SFTPC: variants seen among roughly 807,000 people sequenced by gnomAD.
SFTPC encodes BRICHOS domain containing 6.
Under a neutral mutation model 19.9 loss-of-function variants are expected in SFTPC, and 12 were observed. The ratio of observed to expected loss-of-function variants is 0.60; its 90% CI spans 0.39 to 0.98. The LOEUF (loss-of-function observed/expected upper bound fraction) is 0.98, where lower values mean the gene tolerates loss of function less well. Among genes scored for constraint, SFTPC ranks in the 50% least tolerant of loss-of-function variants. The probability of loss-of-function intolerance (pLI) is 0.00; values close to 1 mark genes in which losing one functional copy is unlikely to be tolerated. For synonymous variants in SFTPC, 123 were observed against 103.3 expected (o/e 1.19, Z -1.16); for missense variants, 219 against 252.2 (o/e 0.87, Z 0.89).
upstream of SFTPC, chr8:22,159,969 G>C (rs1586415154): frequency 5.0e-6 from 3 of 600,806 alleles, no homozygotes; most frequent in East Asian, 2.0e-4. Context: ...TCTGGCACCT[G>C]CACACAGCTG....
upstream of SFTPC, chr8:22,159,717 C>A: frequency 8.3e-7 from 1 of 1,206,526 alleles, no homozygotes; most frequent in Non-Finnish European, 1.1e-6. Flanking sequence ...GGCGGCAAAC[C>A]CCACCCACAG....
upstream of SFTPC, chr8:22,159,707 G>A (rs1207080363): frequency 9.0e-7 from 1 of 1,111,596 alleles, no homozygotes; most frequent in East Asian, 5.8e-5. Flanking sequence ...ACCCAGCGAT[G>A]GCGGCAAACC....
upstream of SFTPC, among the ~76,000 whole-genome samples, chr8:22,159,291 T>G (rs1193378061): frequency 2.0e-5 from 3 of 152,058 alleles, no homozygotes; most frequent in Non-Finnish European, 2.9e-5. Context: ...TGTCTCTAAA[T>G]AATTAAATAA....
At position 22,164,280 on chromosome 8, in the gene SFTPC, C is replaced by A. The variant is rs958813169; in HGVS notation, c.*33C>A. The A allele has an allele frequency of 1.9e-5, 29 of 1,536,054 alleles. No individual in the cohort carries two copies. Among genetic ancestry groups the A allele is most frequent in the Non-Finnish European group, 2.4e-5 (28 of 1,146,916 alleles). Reference sequence around the variant, plus strand: ...TTGCTTCACAGGGTCAGTGGAAGCCCCAACGGGAAAGGAAACGCCCCGGGC... The same window carrying A: ...TTGCTTCACAGGGTCAGTGGAAGCCACAACGGGAAAGGAAACGCCCCGGGC... On this transcript the variant is annotated 3_prime_UTR_variant, in exon 6 of 6. Transcript: ENST00000679463.
rs1124 is a variant in SFTPC, at chr8:22,164,004, G to A, written c.539G>A (p.Ser180Asn). Residue 180 changes from serine to asparagine, a missense_variant, in exon 5 of 6, where the codon AGC becomes AAC. Transcript: ENST00000679463. ...CCGGCCTTCCTGGGCATGGCCGTGA[G>A]CACCCTGTGTGGCGAGGTGCCGCTC... Reference protein sequence around the residue: ...GDPAFLGMAVSTLCGEVPLYY... With the variant: ...GDPAFLGMAVNTLCGEVPLYY... 501,133 of 1,612,222 alleles carry A rather than the reference G, an allele frequency of 0.31. 80,274 individuals are homozygous for A. The highest frequency in any genetic ancestry group is 0.33 in the Non-Finnish European group (386,681 of 1,179,946).
upstream of SFTPC, chr8:22,159,126 G>C (rs1389693284): frequency 2.6e-5 from 4 of 152,466 alleles, no homozygotes; most frequent in African/African-American, 9.7e-5. Flanking sequence ...CATTCAGAGA[G>C]GTGGAAGGTC....
At chr8:22,159,547 CA>C (rs1409276639), upstream of SFTPC, 1 of 370,870 alleles carries the variant, frequency 2.7e-6, no homozygotes, top group African/African-American at 2.1e-5. Context: ...CTCAAGCAAG[CA>C]AAAATGGGTT....
At chr8:22,161,556 C>T (rs74868576), upstream of SFTPC, 492 of 857,228 alleles carry the variant, frequency 5.7e-4, no homozygotes, top group African/African-American at 7.4e-3. Context: ...TGCAGATGGC[C>T]CGAGGGCAAG....
At chr8:22,163,378 G>A (rs1827847257) in intron 3 of SFTPC, 58 bp from the exon 4 acceptor site, 5 of 1,538,582 alleles carry the variant, frequency 3.2e-6, no homozygotes, top group Non-Finnish European at 4.5e-6. Context: ...CTAAGGACCT[G>A]GGTCAGGGAG....
rs75518353 is a variant in SFTPC at position 22,164,283 on chromosome 8, A to C, written c.*36A>C. On this transcript the variant is annotated 3_prime_UTR_variant, in exon 6 of 6. Transcript: ENST00000679463. ...CTTCACAGGGTCAGTGGAAGCCCCA[A>C]CGGGAAAGGAAACGCCCCGGGCAAA... The C allele has an allele frequency of 6.5e-7, 1 of 1,536,194 alleles. No individual in the cohort carries two copies. Among genetic ancestry groups the C allele is most frequent in the Non-Finnish European group, 8.7e-7 (1 of 1,146,906 alleles).
At chr8:22,162,826 G>A in intron 2 of SFTPC, 94 bp downstream of exon 2, 1 of 1,516,752 alleles carries the variant, frequency 6.6e-7, no homozygotes, top group Non-Finnish European at 9.1e-7. Context: ...AAGGGGAGTG[G>A]AGGGGAGGAG....
upstream of SFTPC, among the ~76,000 whole-genome samples, chr8:22,158,148 C>T (rs995417875): frequency 6.6e-6 from 1 of 152,192 alleles, no homozygotes; most frequent in East Asian, 1.9e-4. Flanking sequence ...TTTTGCACAC[C>T]AGTCCAGGGA....
chr8:22,159,876 C>T (rs761720968), upstream of SFTPC: 76 of 1,266,170 alleles, frequency 6.0e-5, no homozygotes, highest in Non-Finnish European at 7.5e-5. Flanking sequence ...CGATCAATCC[C>T]AATGTTGCCA....
At chr8:22,158,198 C>T (rs970021402), upstream of SFTPC, among the ~76,000 whole-genome samples, 3 of 152,200 alleles carry the variant, frequency 2.0e-5, no homozygotes, top group African/African-American at 7.2e-5. Flanking sequence ...CCAGCTGTCC[C>T]CAGACTCTGC....
rs930439581 is a variant in SFTPC, at chr8:22,162,934, C to T, written c.202-146C>T. ...CTGCCCCGCAGCAGGACAGCCAGCT[C>T]CCTCCAGCACCTGGTTCCACTCAGC... On this transcript the variant is annotated intron_variant, in intron 2 of 5. Coordinates refer to ENST00000679463, the MANE Select transcript of SFTPC (RefSeq NM_001317778.2). 5.9e-6 allele frequency: 8 copies of T among 1,346,318 alleles called. No homozygotes were observed. In the Admixed American group the frequency reaches 1.4e-4, roughly 23 times the overall value. The allele number at this position is 1,346,318 out of a possible 1,614,324, so 83.4% of individuals were successfully genotyped here. A position where few individuals can be genotyped will look rare whatever the true frequency, so the allele number is the denominator to read the frequency against.
At chr8:22,162,367 T>G (rs1827772889) in intron 1 of SFTPC, among the ~76,000 whole-genome samples, 2 of 152,186 alleles carry the variant, frequency 1.3e-5, no homozygotes, top group Non-Finnish European at 2.9e-5. Flanking sequence ...ACCCTGCTTC[T>G]AAGCTTCTAT....
chr8:22,163,261 C>A lies in SFTPC; in HGVS notation c.324+59C>A, dbSNP rs1376640441. 3.1e-6 allele frequency: 5 copies of A among 1,608,098 alleles called. No homozygotes were observed. The Admixed American group carries it at 8.3e-5, about 27-fold the overall frequency. On this transcript the variant is annotated intron_variant, in intron 3 of 5. Transcript: ENST00000679463. Reference sequence around the variant, plus strand: ...AATGACAAGGCTCTGCTAGAGCCACCCAGCTGGGCCACTTCATCCACATCC... The same window carrying A: ...AATGACAAGGCTCTGCTAGAGCCACACAGCTGGGCCACTTCATCCACATCC...
chr8:22,163,910 G>A lies in SFTPC; in HGVS notation c.445G>A (p.Ala149Thr). ...RKVHNFQAKP[A>T]VPTSKLGQAE... is the part of the protein sequence containing the mutation. ...GGAATGCTCTCTGCAGGCCAAGCCC[G>A]CAGTGCCTACGTCTAAGCTGGGCCA... is the stretch of plus-strand genomic sequence containing the variant. The change falls in exon 5 of 6, where the codon GCA becomes ACA. Residue 149 changes from alanine (A) to threonine (T), a missense_variant. Physicochemically the swap from Ala to Thr is moderately conservative, Grantham distance 58. Transcript: ENST00000679463. 1 of 1,613,812 alleles carries A rather than the reference G, an allele frequency of 6.2e-7. No individual in the cohort carries two copies. Among genetic ancestry groups the A allele is most frequent in the African/African-American group, 1.3e-5 (1 of 75,068 alleles).
chr8:22,164,107 C>G (rs568615387), intron 5 of SFTPC, 48 bp downstream of exon 5: 1 of 1,609,186 alleles, frequency 6.2e-7, no homozygotes, highest in Admixed American at 1.7e-5. Context: ...GCTCGGGCCA[C>G]CTGCCCGGGC....
Sources: allele counts gnomAD v4.1 joint callset (sites outside exome capture counted in the v4.1 genomes callset), GRCh38; gene constraint gnomAD v4.1.1; transcripts MANE v1.5; gene names NCBI Gene and HGNC (gene_info 2026-07-23, HGNC 2026-07-21).